The following SLC1A2 variants were observed in gnomAD, a reference collection of about 807,000 sequenced individuals.
SLC1A2 encodes the protein solute carrier family 1 member 2.
Under a neutral mutation model 48.8 loss-of-function variants are expected in SLC1A2, and 15 were observed. The observed-to-expected ratio is 0.31, with a 90% CI of 0.21 to 0.47. SLC1A2 has a LOEUF of 0.47. SLC1A2 is among the 20% of genes least tolerant of loss of function. The pLI is 0.99. For synonymous variants in SLC1A2, 279 were observed against 272.6 expected (o/e 1.02, Z -0.23); for missense variants, 502 against 730.5 (o/e 0.69, Z 3.61).
chr11:35,338,384 C>T (rs1852711904), intron 1 of SLC1A2, among the ~76,000 whole-genome samples: 1 of 152,164 alleles, frequency 6.6e-6, no homozygotes, highest in Non-Finnish European at 1.5e-5. Flanking sequence ...GGCAATTCCC[C>T]TTCTAACTCC....
intron 9 of SLC1A2, among the ~76,000 whole-genome samples, chr11:35,270,195 A>G (rs1286695133): frequency 2.0e-5 from 3 of 152,182 alleles, no homozygotes; most frequent in Non-Finnish European, 4.4e-5. Context: ...CAAAATCAAG[A>G]TGCAAAGGGC....
chr11:35,419,037 G>A lies in SLC1A2; in HGVS notation c.-71C>T. 1 of 1,437,806 alleles carries A rather than the reference G, an allele frequency of 7.0e-7. No individual in the cohort carries two copies. Among genetic ancestry groups the A allele is most frequent in the Non-Finnish European group, 9.5e-7 (1 of 1,052,396 alleles). The allele number at this position is 1,437,806 out of a possible 1,614,324, so 89.1% of individuals were successfully genotyped here. A position where few individuals can be genotyped will look rare whatever the true frequency, so the allele number is the denominator to read the frequency against. On this transcript the variant is annotated 5_prime_UTR_variant, in exon 1 of 11. Transcript: ENST00000278379. This position sits in a 1 kb window ranked among gnomAD's most constrained non-coding sequence, Gnocchi z 5.4. ...GGGCGAGGGAGAAAGCGGACGCCGG[G>A]GTGAGCGCGAAGTGCGGCCGGGAGC...
rs571051608 is a variant in SLC1A2 at position 35,254,931 on chromosome 11, G to A, written c.*5963C>T. On this transcript the variant is annotated 3_prime_UTR_variant, in exon 11 of 11. Transcript: ENST00000278379. Reference sequence around the variant, plus strand: ...CAGTAGTTATTCAGGATATTATTTAGGATAAATGAAATAGGAACTTAGGGG... The same window carrying A: ...CAGTAGTTATTCAGGATATTATTTAAGATAAATGAAATAGGAACTTAGGGG... 2.9e-6 allele frequency: 1 copy of A among 344,888 alleles called. No individual in the cohort carries two copies. Among genetic ancestry groups the A allele is most frequent in the Non-Finnish European group, 5.7e-6 (1 of 176,384 alleles). 21.4% of individuals were successfully genotyped at this position (344,888 alleles called of 1,614,324 possible).
intron 1 of SLC1A2, among the ~76,000 whole-genome samples, chr11:35,321,772 T>A (rs554614255): frequency 2.0e-5 from 3 of 152,218 alleles, no homozygotes; most frequent in East Asian, 1.9e-4. Flanking sequence ...GTCTGGGAAG[T>A]CCACCGGATA....
At chr11:35,340,030 C>T (rs1022445574) in intron 1 of SLC1A2, among the ~76,000 whole-genome samples, 9 of 152,208 alleles carry the variant, frequency 5.9e-5, no homozygotes, top group Non-Finnish European at 1.2e-4. Flanking sequence ...ACCAAAACCC[C>T]ATTTCCTCAG....
intron 9 of SLC1A2, among the ~76,000 whole-genome samples, chr11:35,276,391 G>A (rs1348651594): frequency 2.6e-5 from 4 of 151,914 alleles, no homozygotes; most frequent in African/African-American, 9.7e-5. Flanking sequence ...TCCAGCCTAG[G>A]ATGGGGTTTT....
intron 1 of SLC1A2, among the ~76,000 whole-genome samples, chr11:35,388,905 C>T (rs974647148): frequency 2.6e-5 from 4 of 152,152 alleles, no homozygotes; most frequent in Non-Finnish European, 5.9e-5. Flanking sequence ...ACTGGGTACA[C>T]GTGGACATAG....
At chr11:35,303,344 C>T (rs1311222409) in intron 5 of SLC1A2, among the ~76,000 whole-genome samples, 1 of 152,176 alleles carries the variant, frequency 6.6e-6, no homozygotes, top group African/African-American at 2.4e-5. Context: ...TAATACTTCA[C>T]ATTTAGTATC....
At chr11:35,409,479 T>C (rs1385891501) in intron 1 of SLC1A2, among the ~76,000 whole-genome samples, 2 of 152,222 alleles carry the variant, frequency 1.3e-5, no homozygotes, top group Non-Finnish European at 2.9e-5. Context: ...ATTAGATTAA[T>C]GTAACTAATT....
At chr11:35,370,952 G>T (rs552006665) in intron 1 of SLC1A2, 33 of 985,002 alleles carry the variant, frequency 3.4e-5, no homozygotes, top group Non-Finnish European at 4.0e-5. Context: ...TTGCTTATTT[G>T]GATAAATCAT....
At chr11:35,319,270 A>C (rs114269368) in intron 1 of SLC1A2, among the ~76,000 whole-genome samples, 2,113 of 152,326 alleles carry the variant, frequency 0.014, 55 homozygotes, top group African/African-American at 0.048. Flanking sequence ...GGAAATGATC[A>C]AAATGACCTT....
chr11:35,289,872 G>A (rs999142672), intron 7 of SLC1A2, among the ~76,000 whole-genome samples: 1 of 152,150 alleles, frequency 6.6e-6, no homozygotes, highest in Non-Finnish European at 1.5e-5. Context: ...TGTGACACAT[G>A]AGCTAATATT....
At position 35,253,895 on chromosome 11, in the gene SLC1A2, C is replaced by A. The variant is rs1244872682; in HGVS notation, c.*6999G>T. 1 of 152,568 alleles carries A rather than the reference C, an allele frequency of 6.6e-6. No individual in the cohort carries two copies. The highest frequency in any genetic ancestry group is 2.4e-5 in the African/African-American group (1 of 41,422). The allele number at this position is 152,568 out of a possible 1,614,324, so 9.5% of individuals were successfully genotyped here. On this transcript the variant is annotated 3_prime_UTR_variant, in exon 11 of 11. Transcript: ENST00000278379. ...CTTTATAATTTCTGAAGAATAGTTACAAACCTATAACATTATTAAAGGCTA... is the reference window on the plus strand; with the variant it reads ...CTTTATAATTTCTGAAGAATAGTTAAAAACCTATAACATTATTAAAGGCTA...
chr11:35,295,961 C>T (rs1290296757), intron 6 of SLC1A2, among the ~76,000 whole-genome samples: 1 of 152,190 alleles, frequency 6.6e-6, no homozygotes, highest in African/African-American at 2.4e-5. Flanking sequence ...TACCACATAC[C>T]TATGGAGTCA....
At chr11:35,386,098 G>A (rs1408259760) in intron 1 of SLC1A2, among the ~76,000 whole-genome samples, 7 of 152,058 alleles carry the variant, frequency 4.6e-5, no homozygotes, top group African/African-American at 1.4e-4. Context: ...CCCGGGAGGC[G>A]GAGCTTGCAG....
intron 1 of SLC1A2, among the ~76,000 whole-genome samples, chr11:35,386,122 C>A (rs930228357): frequency 2.0e-5 from 3 of 151,908 alleles, no homozygotes; most frequent in Non-Finnish European, 4.4e-5. Context: ...GCCGAGATGG[C>A]GCCACTGCAC....
chr11:35,281,452 C>CA (rs1850631371), intron 8 of SLC1A2, among the ~76,000 whole-genome samples: 1 of 152,160 alleles, frequency 6.6e-6, no homozygotes, highest in Non-Finnish European at 1.5e-5. Flanking sequence ...CTAAGAAGGC[C>CA]ATTGCCAAGG....
intron 1 of SLC1A2, among the ~76,000 whole-genome samples, chr11:35,336,415 G>C (rs114356563): frequency 0.025 from 3,810 of 152,218 alleles, 150 homozygotes; most frequent in African/African-American, 0.087. Flanking sequence ...CTCATTAATT[G>C]TTTGCTCTTG....
At position 35,419,227 on chromosome 11, in the gene SLC1A2, G is replaced by C. The variant is rs1200597194; in HGVS notation, c.-261C>G. 4 of 424,286 alleles carry C rather than the reference G, an allele frequency of 9.4e-6. No individual in the cohort carries two copies. The East Asian group carries it at 1.5e-4, about 16-fold the overall frequency. The allele number at this position is 424,286 out of a possible 1,614,324, so 26.3% of individuals were successfully genotyped here. A position where few individuals can be genotyped will look rare whatever the true frequency, so the allele number is the denominator to read the frequency against. ...GCCCGCGGGGATGGCGCTTGGCGGG[G>C]AGCTCCGGGGGCTCCGAGGGTGGCT... On this transcript the variant is annotated 5_prime_UTR_variant, in exon 1 of 11. Coordinates refer to ENST00000278379, the MANE Select transcript of SLC1A2 (RefSeq NM_004171.4). The surrounding 1 kb of genome is among the most constrained non-coding windows in gnomAD (Gnocchi z 5.4).
Sources: allele counts gnomAD v4.1 joint callset (sites outside exome capture counted in the v4.1 genomes callset), GRCh38; gene constraint gnomAD v4.1.1; non-coding constraint Gnocchi (gnomAD v3.1); transcripts MANE v1.5; gene names NCBI Gene and HGNC (gene_info 2026-07-23, HGNC 2026-07-21).